MROH7: variants seen among roughly 807,000 people sequenced by gnomAD.
MROH7 encodes the protein maestro heat-like repeat-containing protein family member 7.
In MROH7, 113 loss-of-function variants were observed where a neutral mutation model predicts 129.2. That is an observed-to-expected ratio of 0.87 (90% CI 0.75 to 1.02). MROH7 has a LOEUF of 1.02. Ranked by LOEUF, MROH7 falls within the 50% of genes least tolerant of loss-of-function variation. The pLI is 0.00. For synonymous variants in MROH7, 655 were observed against 667.9 expected, an observed-to-expected ratio of 0.98 and a Z score of 0.30; for missense variants, 1,601 against 1,671.3, an observed-to-expected ratio of 0.96 and a Z score of 0.73.
rs184477025 is a variant in MROH7, at chr1:54,653,294, C to T, written c.368C>T (p.Pro123Leu). The T allele has an allele frequency of 1.1e-4, 182 of 1,614,178 alleles. No homozygotes were observed. The highest frequency in any genetic ancestry group is 2.8e-4 in the Admixed American group (17 of 60,018). Residue 123 changes from proline (P) to leucine (L), a missense_variant, in exon 3 of 24, where the codon CCA becomes CTA. Coordinates refer to ENST00000421030, the MANE Select transcript of MROH7 (RefSeq NM_001039464.4). ...CCTGACTCACAGGGGCGCCTCTGTC[C>T]AGCCTCAAACCCCATTCTGAGCCCT... The part of the protein sequence containing the change: ...SRPDSQGRLC[P>L]ASNPILSPSS...
At position 54,679,195 on chromosome 1, in the gene MROH7, C is replaced by T. The variant is rs189818645; in HGVS notation, c.2050-68C>T. The T allele has an allele frequency of 1.2e-5, 19 of 1,532,634 alleles. No individual in the cohort carries two copies. The African/African-American group carries it at 2.2e-4, about 18-fold the overall frequency. The allele number at this position is 1,532,634 out of a possible 1,614,324, so 94.9% of individuals were successfully genotyped here. Reference sequence around the variant, plus strand: ...GTCAGGCAGTGTTTGTGCCTCTGTGCACAAAGCTCGAAGCTCAAAGCTCGG... The same window carrying T: ...GTCAGGCAGTGTTTGTGCCTCTGTGTACAAAGCTCGAAGCTCAAAGCTCGG... On this transcript the variant is annotated intron_variant, in intron 11 of 23. Transcript: ENST00000421030.
At chr1:54,642,498 G>A (rs938674399) in intron 1 of MROH7, among the ~76,000 whole-genome samples, 11 of 152,298 alleles carry the variant, frequency 7.2e-5, no homozygotes, top group African/African-American at 2.4e-4. Context: ...AGGAAGACAT[G>A]GTTCCACTGA....
intron 17 of MROH7, 70 bp from the exon 18 acceptor site, chr1:54,700,251 A>T: frequency 6.3e-7 from 1 of 1,599,536 alleles, no homozygotes; most frequent in Non-Finnish European, 8.6e-7. Flanking sequence ...GTGCAATCCC[A>T]GTGCATGGGA....
rs1553176889 is a variant in MROH7 at position 54,699,127 on chromosome 1, T to TTTCTTTC, written c.2965-1191_2965-1185dup. The TTTCTTTC allele has an allele frequency of 4.5e-4, 42 of 93,860 alleles. No individual in the cohort carries two copies. The East Asian group carries it at 0.011, about 25-fold the overall frequency. The allele number at this position is 93,860 out of a possible 1,614,324, so 5.8% of individuals were successfully genotyped here. The stretch of plus-strand genomic sequence containing the variant: ...CTTTCTTTCTTTCTTTCTTTCTTTC[T>TTTCTTTC]TTCTTTCTTTCTTTCTTTCTTTCTT... On this transcript the variant is annotated intron_variant, in intron 17 of 23. Transcript: ENST00000421030.
Position 54,679,429 on chromosome 1 carries a change from C to T in MROH7, c.2216C>T (p.Ala739Val), listed in dbSNP as rs367971995. The change falls in exon 12 of 24, where the codon GCG becomes GTG. Residue 739 changes from alanine (A) to valine (V), a missense_variant. Coordinates refer to ENST00000421030, the MANE Select transcript of MROH7 (RefSeq NM_001039464.4). ...GTGCTGGAGTGGTACCGCCACAGGG[C>T]GCTGGAGGTGGTAAGGCCTCCTGGG... The part of the protein sequence containing the change: ...SSVLEWYRHR[A>V]LEVIPEIMQG... The T allele has an allele frequency of 2.7e-5, 43 of 1,612,664 alleles. No homozygotes were observed. Among genetic ancestry groups the T allele is most frequent in the African/African-American group, 6.7e-5 (5 of 74,914 alleles).
At chr1:54,697,927 C>T (rs1214317079) in intron 17 of MROH7, 3 of 437,380 alleles carry the variant, frequency 6.9e-6, no homozygotes, top group African/African-American at 2.0e-5. Context: ...AACTTCTCCC[C>T]ACCATTCCCT....
chr1:54,704,793 C>T (rs1216112199), intron 21 of MROH7, among the ~76,000 whole-genome samples: 19 of 67,822 alleles, frequency 2.8e-4, no homozygotes, highest in South Asian at 7.1e-4. Flanking sequence ...CAATGTAGCT[C>T]TTTTTTTTTT....
At position 54,703,355 on chromosome 1, in the gene MROH7, TTCCCAGAG is replaced by T. The variant is rs1645470252; in HGVS notation, c.3564+612_3564+619del. Among the ~76,000 whole-genome samples, 1 of 152,128 alleles carries T rather than the reference TTCCCAGAG, an allele frequency of 6.6e-6. No homozygotes were observed. Among genetic ancestry groups the T allele is most frequent in the Non-Finnish European group, 1.5e-5 (1 of 68,024 alleles). ...ACTGGCTCCTTTTCTACAACATCAATTCCCAGAGTTGTATTACCTGCAACACCAGTCTC... is the reference window on the plus strand; with the variant it reads ...ACTGGCTCCTTTTCTACAACATCAATTTGTATTACCTGCAACACCAGTCTC... On this transcript the variant is annotated intron_variant, in intron 21 of 23. Transcript: ENST00000421030. This position sits in a 1 kb window ranked among gnomAD's most constrained non-coding sequence, Gnocchi z 4.4.
At position 54,706,504 on chromosome 1, in the gene MROH7, G is replaced by A; in HGVS notation, c.3634G>A (p.Ala1212Thr). Reference protein sequence around the residue: ...QSLEYAKNSRASLRKCSVMFI... With the variant: ...QSLEYAKNSRTSLRKCSVMFI... ...CCTGGAGTATGCCAAGAACTCACGG[G>A]CCTCCCTCCGGAAGTGCTCAGTCAT... The change falls in exon 22 of 24, where the codon GCC (alanine) becomes ACC (threonine). Residue 1212 changes from alanine to threonine, a missense_variant. Ala to Thr is a moderately conservative substitution (Grantham distance 58, BLOSUM62 0). Transcript: ENST00000421030. 1.9e-6 allele frequency: 3 copies of A among 1,613,542 alleles called. No individual in the cohort carries two copies. The highest frequency in any genetic ancestry group is 2.5e-6 in the Non-Finnish European group (3 of 1,179,940).
chr1:54,656,459 G>T (rs1400735276), intron 3 of MROH7, among the ~76,000 whole-genome samples: 1 of 141,316 alleles, frequency 7.1e-6, no homozygotes, highest in Non-Finnish European at 1.5e-5. Context: ...GCAGTGAGCC[G>T]AGATTGAGCC....
At chr1:54,671,546 G>A (rs1431142931) in intron 7 of MROH7, among the ~76,000 whole-genome samples, 1 of 152,222 alleles carries the variant, frequency 6.6e-6, no homozygotes, top group East Asian at 1.9e-4. Flanking sequence ...AAGACAGACT[G>A]GGGGAACTGG....
intron 4 of MROH7, among the ~76,000 whole-genome samples, chr1:54,666,440 T>C (rs927496196): frequency 1.9e-4 from 27 of 140,646 alleles, no homozygotes; most frequent in Non-Finnish European, 3.1e-4. Flanking sequence ...TTTTTTTTTT[T>C]TTTTTTTTTT....
intron 16 of MROH7, among the ~76,000 whole-genome samples, chr1:54,692,859 T>C (rs1645261540): frequency 1.3e-5 from 2 of 152,206 alleles, no homozygotes; most frequent in Non-Finnish European, 2.9e-5. Context: ...AATGGTGGTA[T>C]AACCAAGTTG....
rs114340860 is a variant in MROH7, at chr1:54,703,233, T to C, written c.3564+488T>C. Among the ~76,000 whole-genome samples the C allele has an allele frequency of 5.6e-3, 849 of 152,250 alleles. 6 individuals carry two copies. The highest frequency in any genetic ancestry group is 0.018 in the African/African-American group (744 of 41,538). On this transcript the variant is annotated intron_variant, in intron 21 of 23. Coordinates refer to ENST00000421030, the MANE Select transcript of MROH7 (RefSeq NM_001039464.4). This position sits in a 1 kb window ranked among gnomAD's most constrained non-coding sequence, Gnocchi z 4.4. The stretch of plus-strand genomic sequence containing the variant: ...GCCACCCAAGGGGTCTCCCAGCCTT[T>C]AACTCCATCCCCTCCAATCCATTTC...
chr1:54,690,570 A>T (rs1436796123), intron 15 of MROH7, among the ~76,000 whole-genome samples: 2 of 150,798 alleles, frequency 1.3e-5, no homozygotes, highest in South Asian at 2.1e-4. Flanking sequence ...CAGCCTCCCG[A>T]GTAGCTGGGA....
At chr1:54,662,222 A>G (rs1374571585) in intron 3 of MROH7, among the ~76,000 whole-genome samples, 1 of 151,878 alleles carries the variant, frequency 6.6e-6, no homozygotes, top group African/African-American at 2.4e-5. Flanking sequence ...CCTATCTGCA[A>G]ACAAAACAAA....
intron 10 of MROH7, 112 bp downstream of exon 10, chr1:54,674,263 G>A (rs972144772): frequency 4.8e-6 from 6 of 1,261,502 alleles, no homozygotes; most frequent in Non-Finnish European, 6.5e-6. Flanking sequence ...GGAGATGGGG[G>A]AAACCAGCAC....
intron 3 of MROH7, among the ~76,000 whole-genome samples, chr1:54,655,952 G>C (rs1049565779): frequency 7.0e-6 from 1 of 143,310 alleles, no homozygotes; most frequent in East Asian, 2.1e-4. Flanking sequence ...GGAGTGTAAT[G>C]GCATGATCTC....
chr1:54,675,176 A>G (rs759208965), intron 10 of MROH7, among the ~76,000 whole-genome samples: 1 of 152,090 alleles, frequency 6.6e-6, no homozygotes, highest in Admixed American at 6.5e-5. Flanking sequence ...GGATTTCACC[A>G]TGTTGGCCAG....
Sources: allele counts gnomAD v4.1 joint callset (sites outside exome capture counted in the v4.1 genomes callset), GRCh38; gene constraint gnomAD v4.1.1; non-coding constraint Gnocchi (gnomAD v3.1); transcripts MANE v1.5; gene names NCBI Gene and HGNC (gene_info 2026-07-23, HGNC 2026-07-21).